The following VWA8 variants were observed in gnomAD, a reference collection of about 807,000 sequenced individuals.
VWA8 encodes von Willebrand factor A domain-containing protein 8.
A neutral mutation model predicts 241.5 loss-of-function variants in VWA8; 221 were observed. That is an observed-to-expected ratio of 0.91 (90% CI 0.82 to 1.02). VWA8 has a LOEUF of 1.02. Ranked by LOEUF, VWA8 falls within the 50% of genes least tolerant of loss-of-function variation. VWA8 has a pLI of 0.00. For missense variants in VWA8, 2,322 were observed against 2,328.7 expected, an observed-to-expected ratio of 1.00 and a Z score of 0.06; for synonymous variants, 852 against 827.1, an observed-to-expected ratio of 1.03 and a Z score of -0.52.
intron 36 of VWA8, among the ~76,000 whole-genome samples, chr13:41,672,114 T>A (rs759433945): frequency 9.2e-5 from 14 of 152,200 alleles, no homozygotes; most frequent in Non-Finnish European, 1.5e-4. Context: ...AGTACTGGAC[T>A]CACTCCTTAG....
Position 41,787,409 on chromosome 13 carries a change from A to G in VWA8, c.2170+28T>C, listed in dbSNP as rs369618927. 1.2e-4 allele frequency: 178 copies of G among 1,464,598 alleles called. No homozygotes were observed. In the African/African-American group the frequency reaches 2.2e-3, roughly 18 times the overall value. The allele number at this position is 1,464,598 out of a possible 1,614,324, so 90.7% of individuals were successfully genotyped here. Reference sequence around the variant, plus strand: ...ATGTTTGTTAATTATTATTTCACTTAAAAAAAAGAGCCAAATCAAATACTT... The same window carrying G: ...ATGTTTGTTAATTATTATTTCACTTGAAAAAAAGAGCCAAATCAAATACTT... On this transcript the variant is annotated intron_variant, in intron 18 of 44. Coordinates refer to ENST00000379310, the MANE Select transcript of VWA8 (RefSeq NM_015058.2).
At chr13:41,821,791 GT>G (rs1440110323) in intron 14 of VWA8, among the ~76,000 whole-genome samples, 2 of 152,262 alleles carry the variant, frequency 1.3e-5, no homozygotes, top group East Asian at 3.9e-4. Context: ...ATAAGTGTGA[GT>G]TTTTATAAAG....
At chr13:41,630,582 G>C (rs1593661623) in intron 37 of VWA8, among the ~76,000 whole-genome samples, 1 of 151,970 alleles carries the variant, frequency 6.6e-6, no homozygotes, top group Admixed American at 6.6e-5. Flanking sequence ...ATCCCTATAG[G>C]CATCTTTATT....
chr13:41,628,163 C>G (rs547059041), intron 37 of VWA8, among the ~76,000 whole-genome samples: 1 of 152,140 alleles, frequency 6.6e-6, no homozygotes, highest in South Asian at 2.1e-4. Flanking sequence ...CAATAAAACC[C>G]TTCATTCCCT....
At chr13:41,945,336 T>C (rs1234042368) in intron 2 of VWA8, among the ~76,000 whole-genome samples, 2 of 148,638 alleles carry the variant, frequency 1.3e-5, no homozygotes, top group Non-Finnish European at 3.0e-5. Flanking sequence ...GGAGAGATTA[T>C]ACTATTTAAA....
intron 2 of VWA8, 136 bp from the exon 3 acceptor site, chr13:41,912,304 T>C (rs1265469186): frequency 4.8e-6 from 3 of 627,518 alleles, no homozygotes; most frequent in African/African-American, 1.9e-5. Flanking sequence ...TATAAACATA[T>C]GTATATAAAT....
At chr13:41,705,627 G>A (rs906160920) in intron 26 of VWA8, among the ~76,000 whole-genome samples, 2 of 152,084 alleles carry the variant, frequency 1.3e-5, no homozygotes, top group African/African-American at 4.8e-5. Flanking sequence ...TATAAACTCG[G>A]GAAGGGGAAA....
intron 42 of VWA8, among the ~76,000 whole-genome samples, chr13:41,580,720 C>T (rs1392812847): frequency 6.6e-6 from 1 of 152,024 alleles, no homozygotes; most frequent in Non-Finnish European, 1.5e-5. Flanking sequence ...AACTAAGAGC[C>T]CTGAAGTGGA....
chr13:41,710,017 C>T (rs559227496), intron 26 of VWA8, among the ~76,000 whole-genome samples: 8 of 152,182 alleles, frequency 5.3e-5, no homozygotes, highest in Non-Finnish European at 1.2e-4. Flanking sequence ...AATGAGTCTT[C>T]GTCACCTTTA....
chr13:41,751,137 A>AT (rs1344347199), intron 21 of VWA8, among the ~76,000 whole-genome samples: 1 of 144,060 alleles, frequency 6.9e-6, no homozygotes, highest in Non-Finnish European at 1.6e-5. Flanking sequence ...CAAATGTTAA[A>AT]TAAAAAAAAA....
intron 37 of VWA8, among the ~76,000 whole-genome samples, chr13:41,618,015 AT>A (rs1254459268): frequency 1.3e-5 from 2 of 152,262 alleles, no homozygotes; most frequent in Admixed American, 6.5e-5. Context: ...GCTGGGTCAA[AT>A]GGTATTTCTA....
intron 19 of VWA8, among the ~76,000 whole-genome samples, chr13:41,782,990 A>C (rs938729518): frequency 9.9e-5 from 15 of 151,302 alleles, no homozygotes; most frequent in Admixed American, 6.6e-4. Flanking sequence ...AAAGGAAAGA[A>C]AAGAAAAATA....
Position 41,784,709 on chromosome 13 carries a change from T to C in VWA8, c.2171-808A>G, listed in dbSNP as rs188620803. On this transcript the variant is annotated intron_variant, in intron 18 of 44. Transcript: ENST00000379310. ...ACATATACATATACATATATATATA[T>C]ATATATATATATATATATATACACA... Among the ~76,000 whole-genome samples the C allele has an allele frequency of 1.7e-3, 102 of 60,242 alleles. 2 individuals are homozygous for C. The highest frequency in any genetic ancestry group is 6.1e-3 in the East Asian group (10 of 1,628). The allele number at this position is 60,242 out of a possible 152,430, so 39.5% of individuals were successfully genotyped here.
At chr13:41,655,634 T>C (rs1208305683) in intron 37 of VWA8, among the ~76,000 whole-genome samples, 1 of 152,208 alleles carries the variant, frequency 6.6e-6, no homozygotes, top group South Asian at 2.1e-4. Flanking sequence ...GAGTTTTTTT[T>C]CCTATTATTT....
intron 21 of VWA8, among the ~76,000 whole-genome samples, chr13:41,742,358 G>C (rs1593736637): frequency 6.6e-6 from 1 of 152,186 alleles, no homozygotes; most frequent in Non-Finnish European, 1.5e-5. Flanking sequence ...GAAGTTCAAA[G>C]ATATATCCCT....
intron 37 of VWA8, among the ~76,000 whole-genome samples, chr13:41,623,624 A>C (rs187569373): frequency 6.6e-6 from 1 of 152,168 alleles, no homozygotes; most frequent in African/African-American, 2.4e-5. Context: ...GTTGCCCACT[A>C]TCTTCTTGAT....
At chr13:41,870,797 C>T (rs1593832459) in intron 9 of VWA8, among the ~76,000 whole-genome samples, 1 of 152,236 alleles carries the variant, frequency 6.6e-6, no homozygotes, top group East Asian at 1.9e-4. Flanking sequence ...GAAATAAACA[C>T]TATGTCCTGA....
intron 9 of VWA8, among the ~76,000 whole-genome samples, chr13:41,879,135 T>G (rs563241220): frequency 6.6e-6 from 1 of 152,262 alleles, no homozygotes; most frequent in Admixed American, 6.5e-5. Context: ...CGATGACCAA[T>G]GGCCAATTTA....
chr13:41,901,018 A>G (rs1031541075), intron 4 of VWA8, among the ~76,000 whole-genome samples: 1 of 152,112 alleles, frequency 6.6e-6, no homozygotes, highest in Non-Finnish European at 1.5e-5. Flanking sequence ...TAAATCAGAT[A>G]ACTTTGGGCA....
Sources: gnomAD v4.1 joint callset for allele counts (sites outside exome capture counted in the v4.1 genomes callset) on GRCh38, gnomAD v4.1.1 for gene constraint, MANE v1.5 for transcripts, NCBI Gene and HGNC (gene_info 2026-07-23, HGNC 2026-07-21) for gene names.